CDK12: variants seen among roughly 807,000 people sequenced by gnomAD.
The protein encoded by CDK12 is cyclin-dependent kinase 12.
In CDK12, 17 loss-of-function variants were observed where a neutral mutation model predicts 133.8. The ratio of observed to expected loss-of-function variants is 0.13; its 90% CI spans 0.09 to 0.19. The LOEUF is 0.19. Among genes scored for constraint, CDK12 ranks in the 10% least tolerant of loss-of-function variants. CDK12 has a pLI of 1.00. For synonymous variants in CDK12, 694 were observed against 683.6 expected, an observed-to-expected ratio of 1.02 and a Z score of -0.24; for missense variants, 1,508 against 1,818.7, an observed-to-expected ratio of 0.83 and a Z score of 3.11.
chr17:39,465,757 C>G (rs1255582499), intron 1 of CDK12, among the ~76,000 whole-genome samples: 2 of 152,084 alleles, frequency 1.3e-5, no homozygotes, highest in Non-Finnish European at 2.9e-5. Context: ...TCCTAAAGTG[C>G]TGGGATTACA....
intron 8 of CDK12, among the ~76,000 whole-genome samples, chr17:39,514,583 C>T (rs1016318461): frequency 6.6e-6 from 1 of 152,096 alleles, no homozygotes; most frequent in Non-Finnish European, 1.5e-5. Context: ...TCAAGTGATC[C>T]TCCTGCCTAG....
chr17:39,502,405 G>T (rs1439221704), intron 6 of CDK12, among the ~76,000 whole-genome samples: 2 of 150,762 alleles, frequency 1.3e-5, no homozygotes, highest in South Asian at 4.2e-4. Flanking sequence ...CGCCCACCTC[G>T]GCCTCCCAAA....
rs192041299 is a variant in CDK12, at chr17:39,522,781, G to A, written c.3096-1893G>A. Among the ~76,000 whole-genome samples, 26 of 152,058 alleles carry A rather than the reference G, an allele frequency of 1.7e-4. 1 individual carries two copies. The highest frequency in any genetic ancestry group is 1.4e-3 in the Admixed American group (21 of 15,266). On this transcript the variant is annotated intron_variant, in intron 11 of 13. Transcript: ENST00000447079. ...GAAATAAGATCTTTCGGTCGAGCGC[G>A]GTCGCTCACACCTGTAATCCCAGCA...
chr17:39,539,854 C>T (rs988725412), intron 1 of CDK12, among the ~76,000 whole-genome samples: 2 of 152,160 alleles, frequency 1.3e-5, no homozygotes, highest in Admixed American at 6.5e-5. Context: ...TGGGAGGAAT[C>T]TCATGGAAGA....
At position 39,542,190 on chromosome 17, in the gene CDK12, C is replaced by CT. The variant is rs1172086295; in HGVS notation, c.451-2046dup. Among the ~76,000 whole-genome samples the CT allele has an allele frequency of 2.4e-3, 349 of 145,152 alleles. 1 individual carries two copies. Among genetic ancestry groups the CT allele is most frequent in the East Asian group, 0.014 (68 of 5,020 alleles). On this transcript the variant is annotated intron_variant and NMD_transcript_variant, in intron 1 of 4. Coordinates refer to the CDK12 transcript ENST00000559663. ...GTGTGTGTGTATCTTAAAGAATAAT[C>CT]TTTTTTTTTTTTTGAGACGGAGTTT...
rs116846779 is a variant in CDK12 at position 39,483,341 on chromosome 17, A to G, written c.1932-7216A>G. On this transcript the variant is annotated intron_variant, in intron 2 of 13. Coordinates refer to ENST00000447079, the MANE Select transcript of CDK12 (RefSeq NM_016507.4). ...GTTCAGTGGCCTGTGCACAGCTCACAGTATCCTCTACCTGCTAGGCTGGAG... is the reference window on the plus strand; with the variant it reads ...GTTCAGTGGCCTGTGCACAGCTCACGGTATCCTCTACCTGCTAGGCTGGAG... 4.7e-3 allele frequency among the ~76,000 whole-genome samples: 710 copies of G among 151,784 alleles called. 5 individuals are homozygous for G. Among genetic ancestry groups the G allele is most frequent in the Admixed American group, 5.1e-3 (77 of 15,214 alleles).
At position 39,461,629 on chromosome 17, in the gene CDK12, C is replaced by A; in HGVS notation, c.-443C>A. The stretch of plus-strand genomic sequence containing the variant: ...GGGGCGTGAGGCACCTAGGCCGCGG[C>A]ACCCCGGCGACAGGAAGCCGTCCTG... On this transcript the variant is annotated 5_prime_UTR_variant, in exon 1 of 14. Coordinates refer to ENST00000447079, the MANE Select transcript of CDK12 (RefSeq NM_016507.4). The A allele has an allele frequency of 3.7e-6, 1 of 270,398 alleles. No homozygotes were observed. The highest frequency in any genetic ancestry group is 5.3e-5 in the East Asian group (1 of 18,954). 16.7% of individuals were successfully genotyped at this position (270,398 alleles called of 1,614,324 possible). A position where few individuals can be genotyped will look rare whatever the true frequency, so the allele number is the denominator to read the frequency against.
At chr17:39,509,023 A>G (rs956326533) in intron 6 of CDK12, among the ~76,000 whole-genome samples, 9 of 147,192 alleles carry the variant, frequency 6.1e-5, no homozygotes, top group African/African-American at 2.3e-4. Flanking sequence ...AAATCAGCAG[A>G]GTGAAACATG....
At chr17:39,561,790 A>G (rs2056382821) in intron 3 of CDK12, among the ~76,000 whole-genome samples, 1 of 152,126 alleles carries the variant, frequency 6.6e-6, no homozygotes, top group Non-Finnish European at 1.5e-5. Flanking sequence ...CTGCAGAATC[A>G]GGCTAAGATT....
At chr17:39,521,861 CTT>C (rs377201066) in intron 11 of CDK12, among the ~76,000 whole-genome samples, 140 of 141,534 alleles carry the variant, frequency 9.9e-4, no homozygotes, top group African/African-American at 3.1e-3. Context: ...CACTCCCAGC[CTT>C]TTTTTTTTTT....
intron 6 of CDK12, among the ~76,000 whole-genome samples, chr17:39,509,415 T>G (rs544020989): frequency 2.6e-5 from 4 of 152,200 alleles, no homozygotes; most frequent in Non-Finnish European, 4.4e-5. Context: ...AGGAGTCAAA[T>G]TCAGAAAATG....
chr17:39,467,753 C>A (rs1597915007), intron 1 of CDK12, among the ~76,000 whole-genome samples: 2 of 152,042 alleles, frequency 1.3e-5, no homozygotes, highest in Admixed American at 1.3e-4. Flanking sequence ...CTTGTTTCAG[C>A]CAAATATGTA....
At chr17:39,544,172 G>A, upstream of CDK12, 1 of 474,308 alleles carries the variant, frequency 2.1e-6, no homozygotes, top group Non-Finnish European at 4.2e-6. Flanking sequence ...ATGCTTCCTG[G>A]GTGCAAGACC....
intron 1 of CDK12, among the ~76,000 whole-genome samples, chr17:39,470,266 G>A (rs1232087840): frequency 6.6e-6 from 1 of 151,708 alleles, no homozygotes; most frequent in Non-Finnish European, 1.5e-5. Context: ...GACTACAGGT[G>A]CCTGCCACCA....
At chr17:39,527,522 A>T (rs2054565320) in intron 13 of CDK12, among the ~76,000 whole-genome samples, 1 of 152,186 alleles carries the variant, frequency 6.6e-6, no homozygotes, top group South Asian at 2.1e-4. Context: ...TTGAAATCAA[A>T]TGAGTAAAAT....
At chr17:39,493,169 T>G (rs545664338) in intron 4 of CDK12, among the ~76,000 whole-genome samples, 12 of 150,148 alleles carry the variant, frequency 8.0e-5, no homozygotes, top group African/African-American at 2.9e-4. Flanking sequence ...AATTTTTGTT[T>G]TTTTTTTTTT....
At chr17:39,536,222 A>G (rs1334793337), downstream of CDK12, among the ~76,000 whole-genome samples, 22 of 152,060 alleles carry the variant, frequency 1.4e-4, no homozygotes, top group Non-Finnish European at 1.5e-5. Flanking sequence ...CCCACTCACC[A>G]TTCAACTGGA....
At chr17:39,486,128 C>CT (rs1296848146) in intron 2 of CDK12, among the ~76,000 whole-genome samples, 1 of 151,120 alleles carries the variant, frequency 6.6e-6, no homozygotes, top group African/African-American at 2.4e-5. Context: ...AATTTTTGTA[C>CT]TTTTAGTAGA....
chr17:39,561,364 A>C (rs2144591982), intron 3 of CDK12, among the ~76,000 whole-genome samples: 1 of 152,278 alleles, frequency 6.6e-6, no homozygotes, highest in Admixed American at 6.5e-5. Context: ...ATACATCCAC[A>C]TACACCCCTT....
Sources: allele counts gnomAD v4.1 joint callset (sites outside exome capture counted in the v4.1 genomes callset), GRCh38; gene constraint gnomAD v4.1.1; transcripts MANE v1.5; gene names NCBI Gene and HGNC (gene_info 2026-07-23, HGNC 2026-07-21).